The following GLIPR1L1 variants were observed in gnomAD, a reference collection of about 807,000 sequenced individuals.
GLIPR1L1 encodes the protein GLIPR1 like 1.
Under a neutral mutation model 29.9 loss-of-function variants are expected in GLIPR1L1, and 26 were observed. The ratio of observed to expected loss-of-function variants is 0.87; its 90% confidence interval spans 0.64 to 1.21. The LOEUF (loss-of-function observed/expected upper bound fraction) is 1.21, where lower values mean the gene tolerates loss of function less well. Ranked by LOEUF, GLIPR1L1 falls within the 50% of genes most tolerant of loss-of-function variation. GLIPR1L1 has a pLI of 0.00. For synonymous variants in GLIPR1L1, 77 were observed against 97.5 expected, an observed-to-expected ratio of 0.79 and a Z score of 1.24; for missense variants, 305 against 290.3, an observed-to-expected ratio of 1.05 and a Z score of -0.37.
intron 4 of GLIPR1L1, among the ~76,000 whole-genome samples, chr12:75,366,077 T>G (rs1363608785): frequency 6.6e-6 from 1 of 152,134 alleles, no homozygotes; most frequent in Non-Finnish European, 1.5e-5. Context: ...TTAAAGCCAG[T>G]TTATTTATTA....
At chr12:75,358,069 A>G (rs1360503848) in intron 3 of GLIPR1L1, among the ~76,000 whole-genome samples, 1 of 151,792 alleles carries the variant, frequency 6.6e-6, no homozygotes, top group African/African-American at 2.4e-5. Flanking sequence ...AAAGATTAAC[A>G]TTTTATTAAT....
At chr12:75,341,702 G>A (rs1399474554) in intron 1 of GLIPR1L1, among the ~76,000 whole-genome samples, 1 of 149,078 alleles carries the variant, frequency 6.7e-6, no homozygotes, top group Non-Finnish European at 1.5e-5. Flanking sequence ...CGCATCGGCC[G>A]CCCAAAGTGT....
At chr12:75,338,636 G>A (rs1021391544) in intron 1 of GLIPR1L1, among the ~76,000 whole-genome samples, 3 of 151,644 alleles carry the variant, frequency 2.0e-5, no homozygotes, top group Non-Finnish European at 4.4e-5. Flanking sequence ...TGCAGGATGT[G>A]CAGGTTTGTT....
chr12:75,334,812 C>T lies in GLIPR1L1; in HGVS notation c.84C>T (p.Ile28=), dbSNP rs1200560647. 1 of 1,614,000 alleles carries T rather than the reference C, an allele frequency of 6.2e-7. No homozygotes were observed. Among genetic ancestry groups the T allele is most frequent in the African/African-American group, 1.3e-5 (1 of 74,884 alleles). Residue 28 remains isoleucine, a synonymous_variant, in exon 1 of 6, where the codon ATC becomes ATT. Coordinates refer to ENST00000378695, the MANE Select transcript of GLIPR1L1 (RefSeq NM_001304964.2). ...CTACATCTTCCAAAATCCCATCCATCACTGACCCACACTTTATAGACAACT... is the reference window on the plus strand; with the variant it reads ...CTACATCTTCCAAAATCCCATCCATTACTGACCCACACTTTATAGACAACT... ...VATTSSKIPS[I]TDPHFIDNCI... is the part of the protein sequence containing the mutation.
At chr12:75,335,466 T>A (rs937415212) in intron 1 of GLIPR1L1, among the ~76,000 whole-genome samples, 1 of 152,216 alleles carries the variant, frequency 6.6e-6, no homozygotes, top group African/African-American at 2.4e-5. Context: ...ATGAATTGTA[T>A]GATTGGAAAT....
intron 4 of GLIPR1L1, chr12:75,364,851 C>A (rs2139641178): frequency 6.6e-6 from 1 of 152,214 alleles, no homozygotes; most frequent in Non-Finnish European, 1.5e-5. Flanking sequence ...AATCTCATAA[C>A]TGGGAGTACC....
At chr12:75,360,596 G>GT (rs925787064) in intron 3 of GLIPR1L1, 29 of 152,356 alleles carry the variant, frequency 1.9e-4, no homozygotes, top group African/African-American at 7.0e-4. Flanking sequence ...GGAGAGGTGG[G>GT]TTCCCATGGC....
intron 1 of GLIPR1L1, among the ~76,000 whole-genome samples, chr12:75,343,487 A>G (rs575138752): frequency 3.9e-4 from 60 of 152,240 alleles, no homozygotes; most frequent in African/African-American, 1.3e-3. Context: ...TAATATAACA[A>G]TGAACTGTCA....
intron 3 of GLIPR1L1, among the ~76,000 whole-genome samples, chr12:75,352,983 C>T (rs373604998): frequency 4.7e-4 from 72 of 152,178 alleles, no homozygotes; most frequent in African/African-American, 1.6e-3. Context: ...ATCTCTGGGA[C>T]GCAGCTAAAG....
intron 3 of GLIPR1L1, among the ~76,000 whole-genome samples, chr12:75,348,948 G>A (rs1205363515): frequency 3.3e-5 from 5 of 152,142 alleles, no homozygotes; most frequent in East Asian, 1.9e-4. Flanking sequence ...TCAGGTCATG[G>A]AATATGAAAT....
intron 3 of GLIPR1L1, among the ~76,000 whole-genome samples, chr12:75,357,586 T>C (rs1050170133): frequency 6.6e-6 from 1 of 152,110 alleles, no homozygotes; most frequent in Admixed American, 6.6e-5. Context: ...AAATATTTAA[T>C]AATAAAGACC....
At chr12:75,343,983 T>C (rs1187491980) in intron 2 of GLIPR1L1, 45 bp downstream of exon 2, 3 of 1,470,656 alleles carry the variant, frequency 2.0e-6, no homozygotes, top group African/African-American at 1.4e-5. Context: ...TTTGTGCATA[T>C]TTTAATTGCC....
intron 3 of GLIPR1L1, among the ~76,000 whole-genome samples, chr12:75,349,640 A>C (rs1328071110): frequency 6.6e-6 from 1 of 152,200 alleles, no homozygotes; most frequent in African/African-American, 2.4e-5. Flanking sequence ...TTAAAAACAG[A>C]GGACTACAAT....
chr12:75,335,587 A>G (rs1209154784), intron 1 of GLIPR1L1, among the ~76,000 whole-genome samples: 1 of 152,170 alleles, frequency 6.6e-6, no homozygotes, highest in African/African-American at 2.4e-5. Flanking sequence ...AGTATAACTC[A>G]TATCTATTCC....
chr12:75,338,820 C>G (rs541298910), intron 1 of GLIPR1L1, among the ~76,000 whole-genome samples: 27 of 137,312 alleles, frequency 2.0e-4, no homozygotes, highest in Admixed American at 1.2e-3. Context: ...TCTCATTGTT[C>G]AGCTCCCACT....
chr12:75,336,900 T>C (rs1214851597), intron 1 of GLIPR1L1, among the ~76,000 whole-genome samples: 1 of 151,766 alleles, frequency 6.6e-6, no homozygotes, highest in Non-Finnish European at 1.5e-5. Context: ...AAATTAACAG[T>C]ATTTGAAATT....
At chr12:75,338,058 A>G (rs956914340) in intron 1 of GLIPR1L1, among the ~76,000 whole-genome samples, 6 of 152,138 alleles carry the variant, frequency 3.9e-5, no homozygotes, top group Non-Finnish European at 8.8e-5. Context: ...AGCAACACCA[A>G]TCTTATACAA....
At chr12:75,355,410 A>C (rs1324083668) in intron 3 of GLIPR1L1, among the ~76,000 whole-genome samples, 1 of 152,228 alleles carries the variant, frequency 6.6e-6, no homozygotes, top group African/African-American at 2.4e-5. Flanking sequence ...GCAAATCAAA[A>C]TCGCAGTTAG....
chr12:75,347,982 A>G (rs967402825), intron 3 of GLIPR1L1, among the ~76,000 whole-genome samples: 5 of 152,162 alleles, frequency 3.3e-5, no homozygotes, highest in Middle Eastern at 3.2e-3. Flanking sequence ...AAGAGATAAT[A>G]TAAAATATGT....
Sources: gnomAD v4.1 joint callset for allele counts (sites outside exome capture counted in the v4.1 genomes callset) on GRCh38, gnomAD v4.1.1 for gene constraint, MANE v1.5 for transcripts, NCBI Gene and HGNC (gene_info 2026-07-23, HGNC 2026-07-21) for gene names.